Variants in GRM7 observed in about 807,000 individuals in gnomAD.
GRM7 encodes the protein metabotropic glutamate receptor 7.
In GRM7, 35 loss-of-function variants were observed where a neutral mutation model predicts 84.5. The observed-to-expected ratio is 0.41, with a 90% CI of 0.32 to 0.55. The LOEUF (loss-of-function observed/expected upper bound fraction) is 0.55. GRM7 is among the 20% of genes least tolerant of loss of function. The pLI is 0.19. For synonymous variants in GRM7, 487 were observed against 455.1 expected (o/e 1.07, Z -0.89); for missense variants, 1,003 against 1,194.6 (o/e 0.84, Z 2.36).
intron 4 of GRM7, among the ~76,000 whole-genome samples, chr3:7,361,259 C>A (rs542799871): frequency 1.3e-5 from 2 of 152,064 alleles, no homozygotes; most frequent in South Asian, 2.1e-4. Flanking sequence ...GTGGAAAGTA[C>A]CTTCTCAGAA....
chr3:7,613,104 G>A (rs937836085), intron 8 of GRM7, among the ~76,000 whole-genome samples: 2 of 151,140 alleles, frequency 1.3e-5, no homozygotes, highest in African/African-American at 4.9e-5. Context: ...TTTACCCTTC[G>A]AGTTTTCCTG....
chr3:7,589,577 G>A (rs3792456), intron 8 of GRM7, among the ~76,000 whole-genome samples: 4,459 of 152,238 alleles, frequency 0.029, 181 homozygotes, highest in East Asian at 0.095. Context: ...AGAAATGGCC[G>A]TGTAAGAGGA....
chr3:7,045,682 C>T (rs1271587890), intron 1 of GRM7, among the ~76,000 whole-genome samples: 1 of 151,996 alleles, frequency 6.6e-6, no homozygotes, highest in Non-Finnish European at 1.5e-5. Context: ...CATAATGACT[C>T]TAGGTTTATC....
chr3:7,376,358 G>A (rs1300411637), intron 4 of GRM7, among the ~76,000 whole-genome samples: 1 of 152,126 alleles, frequency 6.6e-6, no homozygotes, highest in Non-Finnish European at 1.5e-5. Flanking sequence ...CTCACACCGA[G>A]CTGTTCTCCT....
intron 1 of GRM7, among the ~76,000 whole-genome samples, chr3:7,027,565 T>C (rs1296665610): frequency 3.9e-5 from 6 of 152,188 alleles, no homozygotes; most frequent in Non-Finnish European, 7.3e-5. Flanking sequence ...GTTTTTCTTT[T>C]ACTGATTGCT....
intron 1 of GRM7, among the ~76,000 whole-genome samples, chr3:7,079,679 G>A (rs60420265): frequency 0.12 from 18,700 of 152,126 alleles, 1,666 homozygotes; most frequent in African/African-American, 0.26. Context: ...CTGGATAAGG[G>A]TGAGTTTACC....
At chr3:7,667,371 G>T (rs774157687) in intron 8 of GRM7, among the ~76,000 whole-genome samples, 58 of 152,002 alleles carry the variant, frequency 3.8e-4, no homozygotes, top group Non-Finnish European at 7.2e-4. Context: ...TCGGATGGGT[G>T]GGCCTGACAT....
chr3:7,464,630 A>C (rs1324093199), intron 7 of GRM7, among the ~76,000 whole-genome samples: 5 of 151,998 alleles, frequency 3.3e-5, no homozygotes, highest in Non-Finnish European at 7.4e-5. Context: ...GGAGATCAAG[A>C]CCATCCTGGC....
chr3:7,382,870 G>A (rs1382441955), intron 4 of GRM7, among the ~76,000 whole-genome samples: 1 of 152,144 alleles, frequency 6.6e-6, no homozygotes, highest in Non-Finnish European at 1.5e-5. Flanking sequence ...AGTAGGCTCT[G>A]GACTTTGGAA....
chr3:6,868,485 G>A (rs982692720), intron 1 of GRM7, among the ~76,000 whole-genome samples: 83 of 152,226 alleles, frequency 5.5e-4, no homozygotes, highest in African/African-American at 2.0e-3. Flanking sequence ...AAAAATGCTT[G>A]TTCTCCCTTA....
intron 7 of GRM7, among the ~76,000 whole-genome samples, chr3:7,492,527 C>A (rs1009334055): frequency 6.6e-6 from 1 of 152,024 alleles, no homozygotes; most frequent in African/African-American, 2.4e-5. Context: ...ATTTACCTAT[C>A]TTTTAATGAC....
chr3:7,424,225 T>C (rs904449957), intron 5 of GRM7, among the ~76,000 whole-genome samples: 6 of 151,942 alleles, frequency 3.9e-5, no homozygotes, highest in African/African-American at 1.5e-4. Flanking sequence ...GCTCAACCGG[T>C]TTAGGTGCCA....
At chr3:7,398,241 G>A (rs1695295939) in intron 4 of GRM7, among the ~76,000 whole-genome samples, 1 of 152,098 alleles carries the variant, frequency 6.6e-6, no homozygotes, top group Non-Finnish European at 1.5e-5. Context: ...ATTCACTGAC[G>A]GCCTACTATG....
At chr3:7,275,677 C>A (rs4305413) in intron 2 of GRM7, among the ~76,000 whole-genome samples, 136,585 of 152,180 alleles carry the variant, frequency 0.9, 61,581 homozygotes, top group East Asian at 0.98. Flanking sequence ...TTCTGTTTAG[C>A]TAGTTTCTTC....
At chr3:7,396,193 A>C (rs1410500606) in intron 4 of GRM7, among the ~76,000 whole-genome samples, 1 of 152,146 alleles carries the variant, frequency 6.6e-6, no homozygotes, top group Admixed American at 6.5e-5. Flanking sequence ...GGACAAAACA[A>C]AAAATTTCCC....
chr3:7,393,429 G>A (rs1409246693), intron 4 of GRM7, among the ~76,000 whole-genome samples: 2 of 152,152 alleles, frequency 1.3e-5, no homozygotes, highest in African/African-American at 4.8e-5. Flanking sequence ...CAGAGCTCTG[G>A]ATGTTTCTCT....
At chr3:6,966,125 T>C (rs1001094515) in intron 1 of GRM7, among the ~76,000 whole-genome samples, 1 of 152,178 alleles carries the variant, frequency 6.6e-6, no homozygotes, top group African/African-American at 2.4e-5. Context: ...GTCCTTCCGA[T>C]GTTAACAAAG....
At chr3:7,249,040 G>C (rs530882357) in intron 2 of GRM7, among the ~76,000 whole-genome samples, 2 of 152,052 alleles carry the variant, frequency 1.3e-5, no homozygotes, top group Non-Finnish European at 2.9e-5. Context: ...ATTAACTCGA[G>C]GACTTTACCC....
intron 1 of GRM7, among the ~76,000 whole-genome samples, chr3:6,996,081 C>A (rs1694818969): frequency 6.6e-6 from 1 of 151,852 alleles, no homozygotes; most frequent in Non-Finnish European, 1.5e-5. Context: ...CAAAGTCTTG[C>A]TCTGTCACCC....
Sources: gnomAD v4.1 joint callset for allele counts (sites outside exome capture counted in the v4.1 genomes callset) on GRCh38, gnomAD v4.1.1 for gene constraint, MANE v1.5 for transcripts, NCBI Gene and HGNC (gene_info 2026-07-23, HGNC 2026-07-21) for gene names.